The following LIN54 variants were observed in gnomAD, a reference collection of about 807,000 sequenced individuals.
LIN54 encodes lin-54 DREAM MuvB core complex component, also known as protein lin-54 homolog.
LIN54 carries 9 observed loss-of-function variants against 78.7 expected under a neutral mutation model. The observed-to-expected ratio is 0.11, with a 90% CI of 0.07 to 0.20. The LOEUF (loss-of-function observed/expected upper bound fraction) is 0.20, where lower values mean the gene tolerates loss of function less well. Ranked by LOEUF, LIN54 falls within the 10% of genes least tolerant of loss-of-function variation. The pLI, the probability that LIN54 is intolerant of heterozygous loss-of-function variation, is 1.00. For synonymous variants in LIN54, 269 were observed against 318.4 expected (o/e 0.84, Z 1.65); for missense variants, 573 against 889.9 (o/e 0.64, Z 4.53).
chr4:82,924,941 G>A lies in LIN54; in HGVS notation c.*3161C>T, dbSNP rs187640109. ...CAAGTATTCATTTTCTTAACTATTT[G>A]TGTTACAGAACAATAAAAATAGATA... On this transcript the variant is annotated 3_prime_UTR_variant, in exon 13 of 13. Coordinates refer to ENST00000340417, the MANE Select transcript of LIN54 (RefSeq NM_194282.4). 6.6e-6 allele frequency: 1 copy of A among 152,668 alleles called. No homozygotes were observed. Among genetic ancestry groups the A allele is most frequent in the East Asian group, 1.9e-4 (1 of 5,180 alleles). The allele number at this position is 152,668 out of a possible 1,614,324, so 9.5% of individuals were successfully genotyped here. A position where few individuals can be genotyped will look rare whatever the true frequency, so the allele number is the denominator to read the frequency against.
chr4:82,971,345 G>A (rs564023142), intron 3 of LIN54, among the ~76,000 whole-genome samples: 7 of 142,940 alleles, frequency 4.9e-5, no homozygotes, highest in East Asian at 4.3e-4. Context: ...TAGAAGTGAC[G>A]TGTGTCATTC....
At position 82,925,052 on chromosome 4, in the gene LIN54, ACT is replaced by A. The variant is rs1364219339; in HGVS notation, c.*3048_*3049del. On this transcript the variant is annotated 3_prime_UTR_variant, in exon 13 of 13. Coordinates refer to ENST00000340417, the MANE Select transcript of LIN54 (RefSeq NM_194282.4). ...ACTACCAGAAAATGGGGAACTAATC[ACT>A]CTGTTTGCTTTTGTACCTGTAACAT... is the stretch of plus-strand genomic sequence containing the variant. 11 of 152,552 alleles carry A rather than the reference ACT, an allele frequency of 7.2e-5. No individual in the cohort carries two copies. The highest frequency in any genetic ancestry group is 1.2e-4 in the Non-Finnish European group (8 of 68,004). 9.4% of individuals were successfully genotyped at this position (152,552 alleles called of 1,614,324 possible). A position where few individuals can be genotyped will look rare whatever the true frequency, so the allele number is the denominator to read the frequency against.
upstream of LIN54, chr4:83,012,042 T>C (rs1473266581): frequency 1.0e-6 from 1 of 985,222 alleles, no homozygotes; most frequent in Non-Finnish European, 1.2e-6. Flanking sequence ...CAACTCCATA[T>C]AAAAGTCGGT....
Position 82,964,342 on chromosome 4 carries a change from T to C in LIN54, c.951+5985A>G, listed in dbSNP as rs750198856. The stretch of plus-strand genomic sequence containing the variant: ...TTGGGATTACAGGTGTAAGCCACCA[T>C]GCCCCCCAGCCACTTACTCTTTTTT... On this transcript the variant is annotated intron_variant, in intron 4 of 12. Transcript: ENST00000340417. 8.6e-4 allele frequency among the ~76,000 whole-genome samples: 131 copies of C among 152,314 alleles called. 1 individual carries two copies. The highest frequency in any genetic ancestry group is 3.4e-3 in the Middle Eastern group (1 of 294).
chr4:82,993,539 A>G (rs946953427), intron 1 of LIN54, among the ~76,000 whole-genome samples: 4 of 151,878 alleles, frequency 2.6e-5, no homozygotes, highest in African/African-American at 4.8e-5. Context: ...ATGGAAACAC[A>G]GATCAGGGTT....
intron 4 of LIN54, among the ~76,000 whole-genome samples, chr4:82,954,463 G>A (rs891515224): frequency 5.3e-5 from 8 of 150,806 alleles, no homozygotes; most frequent in African/African-American, 1.9e-4. Context: ...GGTCTTCCAG[G>A]CTGGAGTTCA....
chr4:82,937,159 TAACTC>T, intron 9 of LIN54, 63 bp downstream of exon 9: 2 of 836,086 alleles, frequency 2.4e-6, no homozygotes, highest in East Asian at 4.8e-5. Context: ...AATTTTTAGT[TAACTC>T]CATTTACTTT....
At chr4:82,987,863 T>C (rs1056464172) in intron 1 of LIN54, among the ~76,000 whole-genome samples, 2 of 152,256 alleles carry the variant, frequency 1.3e-5, no homozygotes, top group South Asian at 2.1e-4. Flanking sequence ...GTCTTTATAG[T>C]AGAATGATTT....
At chr4:82,966,784 AT>A (rs1725237526) in intron 4 of LIN54, among the ~76,000 whole-genome samples, 1 of 151,836 alleles carries the variant, frequency 6.6e-6, no homozygotes, top group African/African-American at 2.4e-5. Flanking sequence ...TAGTTTTTGT[AT>A]TTTTAGTAGA....
chr4:82,990,195 G>A (rs901219316), intron 1 of LIN54, among the ~76,000 whole-genome samples: 2 of 152,254 alleles, frequency 1.3e-5, no homozygotes, highest in South Asian at 4.1e-4. Context: ...CCATCCTCAT[G>A]GCCAAAACTA....
At chr4:82,994,059 TTTC>T (rs781175470) in intron 1 of LIN54, among the ~76,000 whole-genome samples, 8 of 152,150 alleles carry the variant, frequency 5.3e-5, no homozygotes, top group Non-Finnish European at 7.4e-5. Context: ...ATTTTAAAAC[TTTC>T]TTCTTTTTTA....
At chr4:82,967,092 GGC>G in intron 4 of LIN54, among the ~76,000 whole-genome samples, 1 of 151,960 alleles carries the variant, frequency 6.6e-6, no homozygotes. Flanking sequence ...GCTGGGTGGT[GGC>G]ACATGCCTGT....
chr4:82,952,652 T>G (rs1349016463), intron 4 of LIN54, among the ~76,000 whole-genome samples: 1 of 152,200 alleles, frequency 6.6e-6, no homozygotes. Context: ...GAAGAGATAT[T>G]TGTAAACTCA....
At chr4:82,995,567 T>C (rs923036464) in intron 1 of LIN54, among the ~76,000 whole-genome samples, 3 of 140,506 alleles carry the variant, frequency 2.1e-5, no homozygotes, top group Non-Finnish European at 4.5e-5. Flanking sequence ...ACAATCTCAG[T>C]TCACTGCAAC....
intron 4 of LIN54, among the ~76,000 whole-genome samples, chr4:82,947,179 T>C (rs1028138510): frequency 6.9e-6 from 1 of 145,104 alleles, no homozygotes; most frequent in Non-Finnish European, 1.5e-5. Context: ...GGGAAACTAG[T>C]TTTGTATTCC....
rs1721343482 is a variant in LIN54 at position 82,924,874 on chromosome 4, AG to A, written c.*3227del. 1 of 152,668 alleles carries A rather than the reference AG, an allele frequency of 6.6e-6. No homozygotes were observed. The highest frequency in any genetic ancestry group is 6.5e-5 in the Admixed American group (1 of 15,284). 9.5% of individuals were successfully genotyped at this position (152,668 alleles called of 1,614,324 possible). A position where few individuals can be genotyped will look rare whatever the true frequency, so the allele number is the denominator to read the frequency against. Reference sequence around the variant, plus strand: ...TGCTTAAGAGATACAACATGATCAAAGTTATGGCCGGAGGTCCTGCTGTGAA... The same window carrying A: ...TGCTTAAGAGATACAACATGATCAAATTATGGCCGGAGGTCCTGCTGTGAA... On this transcript the variant is annotated 3_prime_UTR_variant, in exon 13 of 13. Coordinates refer to ENST00000340417, the MANE Select transcript of LIN54 (RefSeq NM_194282.4).
intron 1 of LIN54, among the ~76,000 whole-genome samples, chr4:82,991,751 G>C (rs747421672): frequency 3.3e-5 from 5 of 151,952 alleles, no homozygotes; most frequent in Non-Finnish European, 7.4e-5. Context: ...TGAGAAAATC[G>C]TATGGCTTTT....
chr4:82,955,626 T>C (rs1724251732), intron 4 of LIN54, among the ~76,000 whole-genome samples: 1 of 151,822 alleles, frequency 6.6e-6, no homozygotes, highest in East Asian at 1.9e-4. Context: ...AGGTATTTAA[T>C]AACATTAAAG....
intron 1 of LIN54, among the ~76,000 whole-genome samples, chr4:82,990,150 C>A (rs528552729): frequency 4.6e-5 from 7 of 152,224 alleles, no homozygotes; most frequent in Non-Finnish European, 1.0e-4. Context: ...AGGCCCTCAT[C>A]CTTCCTCCTT....
Sources: gnomAD v4.1 joint callset for allele counts (sites outside exome capture counted in the v4.1 genomes callset) on GRCh38, gnomAD v4.1.1 for gene constraint, MANE v1.5 for transcripts, NCBI Gene and HGNC (gene_info 2026-07-23, HGNC 2026-07-21) for gene names.